Variants in TAFA1 observed in about 807,000 individuals in gnomAD.
TAFA1 encodes the protein TAFA chemokine like family member 1.
In TAFA1, 4 loss-of-function variants were observed where a neutral mutation model predicts 18.5. That is an observed-to-expected ratio of 0.22 (90% CI 0.11 to 0.49). The LOEUF is 0.49. TAFA1 is among the 20% of genes least tolerant of loss of function. The pLI is 0.98. For synonymous variants in TAFA1, 56 were observed against 55.2 expected, an observed-to-expected ratio of 1.01 and a Z score of -0.06; for missense variants, 147 against 169.0, an observed-to-expected ratio of 0.87 and a Z score of 0.72.
At chr3:68,172,643 TAAATA>T (rs529338210) in intron 2 of TAFA1, among the ~76,000 whole-genome samples, 151 of 152,140 alleles carry the variant, frequency 9.9e-4, no homozygotes, top group African/African-American at 3.6e-3. Flanking sequence ...GCTGAATCAA[TAAATA>T]AAATAAGTTG....
rs551508496 is a variant in TAFA1 at position 68,392,825 on chromosome 3, C to T, written c.119-24455C>T. Among the ~76,000 whole-genome samples the T allele has an allele frequency of 3.5e-4, 53 of 152,218 alleles. 1 individual carries two copies. The East Asian group carries it at 6.8e-3, about 19-fold the overall frequency. On this transcript the variant is annotated intron_variant, in intron 2 of 4. Coordinates refer to ENST00000478136, the MANE Select transcript of TAFA1 (RefSeq NM_213609.4). ...GAAACCAGTGAACACAAAGACACAA[C>T]GTACCAGAATCTCTGGGACACAGCT...
chr3:68,310,485 A>G (rs576016004), intron 2 of TAFA1, among the ~76,000 whole-genome samples: 1 of 152,342 alleles, frequency 6.6e-6, no homozygotes, highest in Admixed American at 6.5e-5. Flanking sequence ...TTCCCCCAGT[A>G]TCACATGACT....
At chr3:68,443,860 T>C (rs143099011) in intron 3 of TAFA1, among the ~76,000 whole-genome samples, 5 of 152,112 alleles carry the variant, frequency 3.3e-5, no homozygotes, top group Non-Finnish European at 7.4e-5. Context: ...GAGTCATCTA[T>C]CCCTCACCGC....
chr3:68,042,862 T>C (rs947490702), intron 2 of TAFA1, among the ~76,000 whole-genome samples: 8 of 152,142 alleles, frequency 5.3e-5, no homozygotes, highest in African/African-American at 1.9e-4. Flanking sequence ...TTAATCACCA[T>C]TTAAATTGTG....
chr3:68,228,054 T>G (rs1222187347), intron 2 of TAFA1, among the ~76,000 whole-genome samples: 1 of 152,126 alleles, frequency 6.6e-6, no homozygotes, highest in East Asian at 1.9e-4. Flanking sequence ...GATGGAAAGA[T>G]AGAACACAGG....
chr3:68,348,533 C>T (rs1248601613), intron 2 of TAFA1, among the ~76,000 whole-genome samples: 40 of 152,074 alleles, frequency 2.6e-4, no homozygotes, highest in Admixed American at 2.6e-3. Flanking sequence ...ACCTATTTTC[C>T]TAATTTTGTT....
chr3:68,449,567 A>G (rs1295441964), intron 3 of TAFA1, among the ~76,000 whole-genome samples: 1 of 152,170 alleles, frequency 6.6e-6, no homozygotes, highest in South Asian at 2.1e-4. Flanking sequence ...TCTTCTTCCT[A>G]TATTTAAAAA....
At chr3:68,439,102 A>G (rs1204576232) in intron 3 of TAFA1, among the ~76,000 whole-genome samples, 1 of 152,078 alleles carries the variant, frequency 6.6e-6, no homozygotes, top group Non-Finnish European at 1.5e-5. Context: ...TCTTTAGGAA[A>G]CAGTCACTGG....
At chr3:68,122,314 G>C (rs1228023625) in intron 2 of TAFA1, among the ~76,000 whole-genome samples, 1 of 152,006 alleles carries the variant, frequency 6.6e-6, no homozygotes, top group Non-Finnish European at 1.5e-5. Context: ...ACCAACACTA[G>C]GAGAAGTGAC....
intron 2 of TAFA1, among the ~76,000 whole-genome samples, chr3:68,228,316 C>A (rs1439949142): frequency 6.6e-6 from 1 of 152,142 alleles, no homozygotes; most frequent in South Asian, 2.1e-4. Context: ...TTTACAGGCA[C>A]GATTAAAGCC....
At chr3:68,379,197 C>G (rs952685901) in intron 2 of TAFA1, among the ~76,000 whole-genome samples, 3 of 152,054 alleles carry the variant, frequency 2.0e-5, no homozygotes, top group Non-Finnish European at 4.4e-5. Flanking sequence ...TTTAATAATA[C>G]CCATTCTGAT....
chr3:68,472,417 T>G (rs1450669955), intron 3 of TAFA1, among the ~76,000 whole-genome samples: 1 of 152,084 alleles, frequency 6.6e-6, no homozygotes, highest in Non-Finnish European at 1.5e-5. Flanking sequence ...GTCCTGTGTA[T>G]GTCTTTATTA....
chr3:68,499,841 C>T (rs532964744), intron 3 of TAFA1, among the ~76,000 whole-genome samples: 190 of 140,690 alleles, frequency 1.4e-3, no homozygotes, highest in Middle Eastern at 0.011. Context: ...CCAATTCAAA[C>T]TGAATTTTTT....
intron 3 of TAFA1, among the ~76,000 whole-genome samples, chr3:68,424,779 G>A (rs1011851087): frequency 6.6e-6 from 1 of 152,018 alleles, no homozygotes; most frequent in Admixed American, 6.6e-5. Context: ...TAAAGGCTCT[G>A]AGAAATTCTG....
intron 2 of TAFA1, among the ~76,000 whole-genome samples, chr3:68,035,694 G>T (rs964225865): frequency 6.6e-5 from 10 of 152,168 alleles, no homozygotes; most frequent in Non-Finnish European, 1.3e-4. Context: ...TCGCCCAAAA[G>T]AAATGCAACT....
chr3:68,191,398 C>T (rs550522335), intron 2 of TAFA1, among the ~76,000 whole-genome samples: 21 of 151,858 alleles, frequency 1.4e-4, no homozygotes, highest in African/African-American at 3.9e-4. Context: ...AATGGAAAAA[C>T]GTAACTATGG....
intron 2 of TAFA1, among the ~76,000 whole-genome samples, chr3:68,101,803 G>T (rs2065150812): frequency 6.6e-6 from 1 of 152,018 alleles, no homozygotes; most frequent in Non-Finnish European, 1.5e-5. Flanking sequence ...CCAAAAACTG[G>T]CAAATTCCTC....
chr3:68,285,859 C>G (rs1026542991), intron 2 of TAFA1, among the ~76,000 whole-genome samples: 1 of 152,038 alleles, frequency 6.6e-6, no homozygotes, highest in African/African-American at 2.4e-5. Flanking sequence ...GCAAGAATGG[C>G]CAATCATTGA....
intron 2 of TAFA1, among the ~76,000 whole-genome samples, chr3:68,280,328 A>G (rs2067875872): frequency 6.6e-6 from 1 of 152,192 alleles, no homozygotes; most frequent in Non-Finnish European, 1.5e-5. Context: ...AATACCATTG[A>G]TCCGTTTAAC....
Sources: gnomAD v4.1 joint callset for allele counts (sites outside exome capture counted in the v4.1 genomes callset) on GRCh38, gnomAD v4.1.1 for gene constraint, MANE v1.5 for transcripts, NCBI Gene and HGNC (gene_info 2026-07-23, HGNC 2026-07-21) for gene names.